FBXL17: variants seen among roughly 807,000 people sequenced by gnomAD.
The protein encoded by FBXL17 is F-box/LRR-repeat protein 17.
A neutral mutation model predicts 66.2 loss-of-function variants in FBXL17; 22 were observed. The observed-to-expected ratio is 0.33, with a 90% confidence interval of 0.24 to 0.47. The LOEUF is 0.47. Among genes scored for constraint, FBXL17 ranks in the 20% least tolerant of loss-of-function variants. The pLI is 1.00. For synonymous variants in FBXL17, 474 were observed against 400.5 expected (o/e 1.18, Z -2.19); for missense variants, 878 against 948.2 (o/e 0.93, Z 0.97).
chr5:108,062,958 T>G lies in FBXL17; in HGVS notation c.1746-41957A>C, dbSNP rs867478894. On this transcript the variant is annotated intron_variant, in intron 6 of 8. Coordinates refer to ENST00000542267, the MANE Select transcript of FBXL17 (RefSeq NM_001163315.3). ...GAGAGAACAAATAATACTATGAGTA[T>G]TAGTGCAGTTGCTGGTCACTTCTTA... Among the ~76,000 whole-genome samples, 5 of 152,274 alleles carry G rather than the reference T, an allele frequency of 3.3e-5. No homozygotes were observed. In the Middle Eastern group the frequency reaches 0.01, roughly 311 times the overall value.
chr5:108,023,621 A>C (rs1361293052), intron 6 of FBXL17, among the ~76,000 whole-genome samples: 1 of 152,142 alleles, frequency 6.6e-6, no homozygotes, highest in Non-Finnish European at 1.5e-5. Flanking sequence ...CCATTCTATA[A>C]CATGCTTACA....
intron 6 of FBXL17, among the ~76,000 whole-genome samples, chr5:108,072,707 C>CA (rs34260537): frequency 0.68 from 103,418 of 151,680 alleles, 36,377 homozygotes; most frequent in East Asian, 0.93. Flanking sequence ...GACTCTGTCT[C>CA]AAAAAAAGAA....
At chr5:108,242,614 G>A (rs10076086) in intron 4 of FBXL17, among the ~76,000 whole-genome samples, 88,090 of 151,842 alleles carry the variant, frequency 0.58, 26,213 homozygotes, top group East Asian at 0.78. Flanking sequence ...TTAATTATAA[G>A]AAATTTCAAA....
intron 4 of FBXL17, among the ~76,000 whole-genome samples, chr5:108,345,333 T>C (rs938596122): frequency 1.3e-5 from 2 of 150,302 alleles, no homozygotes; most frequent in Non-Finnish European, 3.0e-5. Context: ...CAAAACTCCA[T>C]CTCAAAAAGA....
chr5:108,012,955 C>T (rs574016432), intron 7 of FBXL17, among the ~76,000 whole-genome samples: 22 of 141,044 alleles, frequency 1.6e-4, no homozygotes, highest in Non-Finnish European at 2.4e-4. Flanking sequence ...GCGGAGGTTG[C>T]GTCAGCCAAG....
chr5:107,991,061 G>A (rs1038864586), intron 7 of FBXL17, among the ~76,000 whole-genome samples: 2 of 152,050 alleles, frequency 1.3e-5, no homozygotes, highest in African/African-American at 4.8e-5. Context: ...ACACTGATGT[G>A]TGGCATCATC....
At chr5:107,907,901 T>C (rs2112542173) in intron 7 of FBXL17, among the ~76,000 whole-genome samples, 1 of 152,264 alleles carries the variant, frequency 6.6e-6, no homozygotes, top group Middle Eastern at 3.4e-3. Context: ...TCCTCAGGGA[T>C]CTAGAACTAG....
intron 6 of FBXL17, among the ~76,000 whole-genome samples, chr5:108,141,157 C>T (rs1039949576): frequency 3.3e-5 from 5 of 152,254 alleles, no homozygotes; most frequent in African/African-American, 1.2e-4. Flanking sequence ...ACATGGTGTT[C>T]CTTCTACAGC....
At chr5:108,244,568 C>T (rs903741429) in intron 4 of FBXL17, among the ~76,000 whole-genome samples, 8 of 152,172 alleles carry the variant, frequency 5.3e-5, no homozygotes, top group Non-Finnish European at 7.4e-5. Flanking sequence ...CACTTCCTTT[C>T]TCTATCTACA....
At chr5:108,338,534 T>G (rs568530261) in intron 4 of FBXL17, among the ~76,000 whole-genome samples, 1 of 152,222 alleles carries the variant, frequency 6.6e-6, no homozygotes, top group Admixed American at 6.5e-5. Flanking sequence ...GTAACTTGAG[T>G]ACTTCTACCA....
chr5:107,998,452 C>G (rs1036101810), intron 7 of FBXL17, among the ~76,000 whole-genome samples: 1 of 152,040 alleles, frequency 6.6e-6, no homozygotes, highest in Non-Finnish European at 1.5e-5. Context: ...TGATATTAAA[C>G]AGTAGGTATT....
chr5:108,224,484 T>C (rs1353845160), intron 4 of FBXL17, among the ~76,000 whole-genome samples: 3 of 151,960 alleles, frequency 2.0e-5, no homozygotes, highest in African/African-American at 7.3e-5. Flanking sequence ...TCCAATTCTT[T>C]ACCTTCTCCC....
At chr5:107,952,410 C>T (rs1418489921) in intron 7 of FBXL17, among the ~76,000 whole-genome samples, 1 of 152,126 alleles carries the variant, frequency 6.6e-6, no homozygotes, top group Non-Finnish European at 1.5e-5. Flanking sequence ...ATAAAGTTTA[C>T]TTGTTATTTG....
rs1211707860 is a variant in FBXL17, at chr5:108,246,238, C to A, written c.1507-22010G>T. Among the ~76,000 whole-genome samples the A allele has an allele frequency of 2.0e-5, 3 of 152,344 alleles. No individual in the cohort carries two copies. The South Asian group carries it at 6.2e-4, about 32-fold the overall frequency. On this transcript the variant is annotated intron_variant, in intron 4 of 8. Transcript: ENST00000542267. ...ACTAGAGGCTGGGCATGGTGACTCACACCTGTTATCCCAACACTTTGGGAG... is the reference window on the plus strand; with the variant it reads ...ACTAGAGGCTGGGCATGGTGACTCAAACCTGTTATCCCAACACTTTGGGAG...
chr5:107,890,997 T>A (rs1367110191), intron 7 of FBXL17, among the ~76,000 whole-genome samples: 1 of 152,080 alleles, frequency 6.6e-6, no homozygotes, highest in African/African-American at 2.4e-5. Context: ...TACAAATAAA[T>A]AAATAGACTA....
intron 7 of FBXL17, among the ~76,000 whole-genome samples, chr5:108,020,155 T>C (rs951562875): frequency 6.6e-6 from 1 of 151,854 alleles, no homozygotes; most frequent in Non-Finnish European, 1.5e-5. Context: ...ATTCTCAAAT[T>C]TAAATGAAAA....
At chr5:108,332,974 TTAAAGA>T (rs1340646484) in intron 4 of FBXL17, among the ~76,000 whole-genome samples, 1 of 137,748 alleles carries the variant, frequency 7.3e-6, no homozygotes, top group East Asian at 2.1e-4. Context: ...GAGTCTATAG[TTAAAGA>T]TTATGAAATG....
intron 4 of FBXL17, among the ~76,000 whole-genome samples, chr5:108,294,480 T>C (rs1758263981): frequency 1.3e-5 from 2 of 152,066 alleles, no homozygotes; most frequent in East Asian, 3.9e-4. Flanking sequence ...TGATTCTCAA[T>C]CATTATAAAT....
intron 3 of FBXL17, among the ~76,000 whole-genome samples, chr5:108,352,984 G>A (rs572661752): frequency 2.6e-5 from 4 of 152,274 alleles, no homozygotes; most frequent in African/African-American, 9.6e-5. Context: ...GCCTATTCTA[G>A]ATGATCCAAG....
Sources: gnomAD v4.1 joint callset for allele counts (sites outside exome capture counted in the v4.1 genomes callset) on GRCh38, gnomAD v4.1.1 for gene constraint, MANE v1.5 for transcripts, NCBI Gene and HGNC (gene_info 2026-07-23, HGNC 2026-07-21) for gene names.